The following GABRA3 variants were observed in gnomAD, a reference collection of about 807,000 sequenced individuals.
GABRA3 encodes the protein gamma-aminobutyric acid receptor subunit alpha-3.
In GABRA3, 10 loss-of-function variants were observed where a neutral mutation model predicts 30.1. The observed-to-expected ratio is 0.33, with a 90% CI of 0.20 to 0.56. The LOEUF (loss-of-function observed/expected upper bound fraction) is 0.56. Ranked by LOEUF, GABRA3 falls within the 20% of genes least tolerant of loss-of-function variation. The pLI, the probability that GABRA3 is intolerant of heterozygous loss-of-function variation, is 0.89. For missense variants in GABRA3, 233 were observed against 392.0 expected (o/e 0.59, Z 3.42); for synonymous variants, 151 against 146.8 (o/e 1.03, Z -0.21).
At chrX:152,182,602 A>T (rs1423576069) in intron 9 of GABRA3, among the ~76,000 whole-genome samples, 1 of 72,937 alleles carries the variant, frequency 1.4e-5, no homozygotes, top group African/African-American at 5.3e-5. Context: ...CACACTATAT[A>T]TACTATATAT....
intron 1 of GABRA3, among the ~76,000 whole-genome samples, chrX:152,377,711 AAC>A (rs746376882): frequency 8.9e-6 from 1 of 111,850 alleles, no homozygotes; most frequent in Non-Finnish European, 1.9e-5. Flanking sequence ...AGAGCTACCA[AAC>A]CATGTTGTAG....
chrX:152,282,974 A>G (rs1939225527), intron 4 of GABRA3, among the ~76,000 whole-genome samples: 2 of 111,678 alleles, frequency 1.8e-5, no homozygotes, highest in African/African-American at 6.5e-5. Flanking sequence ...TAAATATCCT[A>G]ATTTAATTCC....
chrX:152,411,510 C>T (rs1185377717), intron 1 of GABRA3, among the ~76,000 whole-genome samples: 4 of 111,275 alleles, frequency 3.6e-5, no homozygotes, highest in African/African-American at 6.5e-5. Context: ...AATGTTGGGG[C>T]AACTGGATAT....
intron 9 of GABRA3, 36 bp from the exon 10 acceptor site, chrX:152,168,599 A>C: frequency 5.8e-6 from 6 of 1,030,946 alleles, no homozygotes; most frequent in Non-Finnish European, 8.1e-6. Context: ...GAAAGGGAGA[A>C]AAAAGCAAAG....
At chrX:152,265,438 C>G (rs1472169332) in intron 4 of GABRA3, among the ~76,000 whole-genome samples, 1 of 110,982 alleles carries the variant, frequency 9.0e-6, no homozygotes, top group East Asian at 2.8e-4. Context: ...TTGAAAAATT[C>G]CTTGAAACAA....
chrX:152,442,452 GA>G (rs1217335576), intron 1 of GABRA3, among the ~76,000 whole-genome samples: 2 of 105,583 alleles, frequency 1.9e-5, no homozygotes, highest in Non-Finnish European at 4.0e-5. Flanking sequence ...TCAGCAAAGT[GA>G]AAAAAATAGA....
intron 3 of GABRA3, among the ~76,000 whole-genome samples, chrX:152,300,547 C>T (rs1469605868): frequency 1.8e-5 from 2 of 112,220 alleles, no homozygotes; most frequent in Non-Finnish European, 3.8e-5. Flanking sequence ...TGACAATCAA[C>T]AAATGTCAAC....
chrX:152,392,610 T>C (rs1929520460), intron 1 of GABRA3, among the ~76,000 whole-genome samples: 1 of 111,576 alleles, frequency 9.0e-6, no homozygotes, highest in Non-Finnish European at 1.9e-5. Flanking sequence ...TAGATGGATA[T>C]AGTACAAGAT....
intron 5 of GABRA3, among the ~76,000 whole-genome samples, chrX:152,238,345 A>C (rs1391837058): frequency 1.0e-5 from 1 of 98,816 alleles, no homozygotes; most frequent in Admixed American, 1.1e-4. Flanking sequence ...GATGAAGCCC[A>C]CTTGATCATG....
intron 1 of GABRA3, among the ~76,000 whole-genome samples, chrX:152,450,797 C>A (rs1211104467): frequency 8.9e-6 from 1 of 112,633 alleles, no homozygotes; most frequent in Non-Finnish European, 1.9e-5. Context: ...GGGGCCACTC[C>A]GTGGCTTTCT....
intron 4 of GABRA3, among the ~76,000 whole-genome samples, chrX:152,260,163 G>A (rs1938705589): frequency 9.0e-6 from 1 of 110,787 alleles, no homozygotes. Context: ...ATGAAAAGGG[G>A]AAGGTGGAGT....
At chrX:152,196,418 A>G (rs1032028081) in intron 8 of GABRA3, among the ~76,000 whole-genome samples, 12 of 108,461 alleles carry the variant, frequency 1.1e-4, no homozygotes, top group Non-Finnish European at 2.1e-4. Context: ...GAAAAAAAAA[A>G]AAAGAAAGAA....
chrX:152,269,948 A>G (rs1602624), intron 4 of GABRA3, among the ~76,000 whole-genome samples: 25,134 of 111,379 alleles, frequency 0.23, 2,773 homozygotes, highest in African/African-American at 0.44. Flanking sequence ...GATGTTTTAT[A>G]TAAGACTCAA....
At chrX:152,327,329 C>T (rs1242448555) in intron 3 of GABRA3, among the ~76,000 whole-genome samples, 1 of 111,249 alleles carries the variant, frequency 9.0e-6, no homozygotes, top group Non-Finnish European at 1.9e-5. Context: ...AGGAATTGAA[C>T]TCAGCTCTGC....
intron 6 of GABRA3, among the ~76,000 whole-genome samples, 178 bp downstream of exon 6, chrX:152,224,585 G>A (rs1315570538): frequency 9.0e-6 from 1 of 111,641 alleles, no homozygotes; most frequent in Middle Eastern, 4.2e-3. Flanking sequence ...TAAAGGCTAA[G>A]TCTCCTCCCC....
intron 3 of GABRA3, among the ~76,000 whole-genome samples, chrX:152,338,566 T>C (rs1940267893): frequency 8.9e-6 from 1 of 112,082 alleles, no homozygotes. Context: ...TTTGCTTTTG[T>C]CATCTGTGCT....
intron 1 of GABRA3, among the ~76,000 whole-genome samples, chrX:152,420,994 G>T (rs918233535): frequency 1.8e-5 from 2 of 109,125 alleles, no homozygotes; most frequent in Non-Finnish European, 3.8e-5. Flanking sequence ...CAGCAATGCG[G>T]AACTGTGAGT....
chrX:152,389,307 A>C (rs373964988), intron 1 of GABRA3: 1 of 112,400 alleles, frequency 8.9e-6, no homozygotes, highest in Non-Finnish European at 1.9e-5. Context: ...GAAACTTACG[A>C]AACAGGAGGA....
At chrX:152,325,000 T>C (rs1156270778) in intron 3 of GABRA3, among the ~76,000 whole-genome samples, 1 of 111,538 alleles carries the variant, frequency 9.0e-6, no homozygotes, top group African/African-American at 3.3e-5. Flanking sequence ...ATGTGTAAAA[T>C]GGGAGAGGTG....
Sources: gnomAD v4.1 joint callset for allele counts (sites outside exome capture counted in the v4.1 genomes callset) on GRCh38, gnomAD v4.1.1 for gene constraint, MANE v1.5 for transcripts, NCBI Gene and HGNC (gene_info 2026-07-23, HGNC 2026-07-21) for gene names.